ABTB3: variants seen among roughly 807,000 people sequenced by gnomAD.
ABTB3 encodes the protein ankyrin repeat and BTB domain containing 3, also known as ankyrin repeat- and BTB/POZ domain-containing protein 3.
chr12:107,427,773 G>A, the ABTB3 span, among the ~76,000 whole-genome samples: 2 of 152,188 alleles, frequency 1.3e-5, no homozygotes, highest in Non-Finnish European at 2.9e-5. Context: ...ATCTATGATG[G>A]TTCTCAGTGG....
chr12:107,413,257 G>A, the ABTB3 span, among the ~76,000 whole-genome samples: 2 of 152,108 alleles, frequency 1.3e-5, no homozygotes, highest in African/African-American at 4.8e-5. Context: ...CTGGGCGACA[G>A]AGCGAGACTC....
the ABTB3 span, among the ~76,000 whole-genome samples, chr12:107,346,914 G>A: frequency 6.6e-6 from 1 of 152,168 alleles, no homozygotes; most frequent in East Asian, 1.9e-4. Flanking sequence ...AAGAAACAGG[G>A]CAGGGCTTCC....
the ABTB3 span, chr12:107,651,602 C>T: frequency 2.2e-5 from 23 of 1,039,576 alleles, no homozygotes; most frequent in Non-Finnish European, 3.1e-5. Context: ...TGTCTCACCA[C>T]TATAGTTCCT....
At chr12:107,649,108 A>T in the ABTB3 span, 1 of 1,046,674 alleles carries the variant, frequency 9.6e-7, no homozygotes, top group Non-Finnish European at 1.5e-6. Context: ...TGGATGTCCT[A>T]GAGGTCTCAG....
At chr12:107,361,562 C>T in the ABTB3 span, among the ~76,000 whole-genome samples, 1 of 152,100 alleles carries the variant, frequency 6.6e-6, no homozygotes, top group Non-Finnish European at 1.5e-5. Flanking sequence ...TGTGGAATTG[C>T]TGGATTTGAT....
chr12:107,608,738 G>A, the ABTB3 span, among the ~76,000 whole-genome samples: 2 of 151,774 alleles, frequency 1.3e-5, no homozygotes, highest in African/African-American at 4.8e-5. Flanking sequence ...GGGTGTGGTG[G>A]TGCATCCCCG....
the ABTB3 span, among the ~76,000 whole-genome samples, chr12:107,333,809 A>C: frequency 1.1e-4 from 16 of 152,356 alleles, no homozygotes; most frequent in South Asian, 3.3e-3. Flanking sequence ...TGAATAAGTA[A>C]AAGTGTTAGA....
the ABTB3 span, among the ~76,000 whole-genome samples, chr12:107,406,492 T>C: frequency 6.6e-6 from 1 of 152,224 alleles, no homozygotes; most frequent in East Asian, 1.9e-4. Context: ...AGTCCCACCA[T>C]CCCAGGACTC....
chr12:107,445,862 C>CTCCCTCT, the ABTB3 span, among the ~76,000 whole-genome samples: 1 of 128,296 alleles, frequency 7.8e-6, no homozygotes, highest in Non-Finnish European at 1.6e-5. Context: ...ATCTCCAAAT[C>CTCCCTCT]TCCCTCTCCC....
At chr12:107,593,072 A>G in the ABTB3 span, among the ~76,000 whole-genome samples, 1 of 152,188 alleles carries the variant, frequency 6.6e-6, no homozygotes, top group Non-Finnish European at 1.5e-5. Context: ...TTAAAAAGAT[A>G]CTCAGTGCTT....
chr12:107,529,974 G>C, the ABTB3 span, among the ~76,000 whole-genome samples: 1 of 152,200 alleles, frequency 6.6e-6, no homozygotes, highest in Admixed American at 6.5e-5. Flanking sequence ...CAGGTATATA[G>C]AGAAAAGAGG....
At chr12:107,421,174 G>A in the ABTB3 span, among the ~76,000 whole-genome samples, 6 of 152,314 alleles carry the variant, frequency 3.9e-5, no homozygotes, top group South Asian at 6.2e-4. Flanking sequence ...CCTACTGAGA[G>A]GCTTTTTAAT....
the ABTB3 span, among the ~76,000 whole-genome samples, chr12:107,488,151 A>T: frequency 6.6e-6 from 1 of 152,070 alleles, no homozygotes; most frequent in Non-Finnish European, 1.5e-5. Context: ...AGCAGTCAAG[A>T]GTCTGGGTAT....
the ABTB3 span, among the ~76,000 whole-genome samples, chr12:107,529,824 C>T: frequency 1.6e-3 from 251 of 152,284 alleles, 1 homozygote; most frequent in African/African-American, 5.8e-3. Context: ...CACACTGCCT[C>T]CCCTTCCCGG....
chr12:107,468,634 C>T, the ABTB3 span, among the ~76,000 whole-genome samples: 2 of 152,066 alleles, frequency 1.3e-5, no homozygotes, highest in African/African-American at 4.8e-5. Flanking sequence ...TGGAAGGGAG[C>T]GCCCATTTCT....
chr12:107,398,310 T>C, the ABTB3 span, among the ~76,000 whole-genome samples: 1 of 152,206 alleles, frequency 6.6e-6, no homozygotes, highest in African/African-American at 2.4e-5. Context: ...CTCACTGAGA[T>C]AGAGTCATTT....
the ABTB3 span, among the ~76,000 whole-genome samples, chr12:107,599,734 C>A: frequency 6.6e-6 from 1 of 152,142 alleles, no homozygotes; most frequent in Non-Finnish European, 1.5e-5. Flanking sequence ...CGCACCTAAT[C>A]CAGTGCCTGG....
chr12:107,636,193 A>G, the ABTB3 span, among the ~76,000 whole-genome samples: 1 of 152,254 alleles, frequency 6.6e-6, no homozygotes, highest in African/African-American at 2.4e-5. Flanking sequence ...GAGATTTTTC[A>G]GAAGAAACCT....
At chr12:107,346,099 C>T in the ABTB3 span, among the ~76,000 whole-genome samples, 6 of 152,142 alleles carry the variant, frequency 3.9e-5, no homozygotes, top group Admixed American at 6.5e-5. Flanking sequence ...TGGCGTGGAG[C>T]GGAGCTTGTG....
Sources: gnomAD v4.1 joint callset for allele counts (sites outside exome capture counted in the v4.1 genomes callset) on GRCh38, gnomAD v4.1.1 for gene constraint, MANE v1.5 for transcripts, NCBI Gene and HGNC (gene_info 2026-07-23, HGNC 2026-07-21) for gene names.